STARD13: variants seen among roughly 807,000 people sequenced by gnomAD.
The protein encoded by STARD13 is StAR related lipid transfer domain containing 13.
STARD13 carries 62 observed loss-of-function variants against 106.4 expected under a neutral mutation model. That is an observed-to-expected ratio of 0.58 (90% confidence interval 0.48 to 0.72). The LOEUF (loss-of-function observed/expected upper bound fraction) is 0.72. Ranked by LOEUF, STARD13 falls within the 30% of genes least tolerant of loss-of-function variation. The pLI is 0.00. For synonymous variants in STARD13, 565 were observed against 553.0 expected (o/e 1.02, Z -0.31); for missense variants, 1,387 against 1,424.0 (o/e 0.97, Z 0.42).
At chr13:33,421,897 C>G in the STARD13 span, among the ~76,000 whole-genome samples, 2 of 152,132 alleles carry the variant, frequency 1.3e-5, no homozygotes, top group African/African-American at 4.8e-5. Context: ...ATTCAACTTC[C>G]CTTCATGCTA....
chr13:33,496,540 A>G, the STARD13 span, among the ~76,000 whole-genome samples: 1 of 151,964 alleles, frequency 6.6e-6, no homozygotes, highest in East Asian at 1.9e-4. Context: ...CTCTTCTTAT[A>G]CATGTTATAA....
chr13:33,429,314 G>A, the STARD13 span, among the ~76,000 whole-genome samples: 1 of 152,206 alleles, frequency 6.6e-6, no homozygotes, highest in Non-Finnish European at 1.5e-5. Flanking sequence ...ATGTGGTACA[G>A]GGCCGGGCGT....
the STARD13 span, among the ~76,000 whole-genome samples, chr13:33,427,315 T>C: frequency 3.7e-4 from 57 of 152,194 alleles, no homozygotes; most frequent in African/African-American, 1.3e-3. Context: ...AAAAAGAATG[T>C]TATTCAGTTT....
upstream of STARD13, chr13:33,350,812 C>T: frequency 4.6e-6 from 1 of 217,958 alleles, no homozygotes. Context: ...CAGCCTGGTC[C>T]CCACGGCCCC....
At chr13:33,488,564 C>T in the STARD13 span, among the ~76,000 whole-genome samples, 1 of 152,114 alleles carries the variant, frequency 6.6e-6, no homozygotes. Flanking sequence ...AGAATGAGAT[C>T]AAAATATTAC....
intron 3 of STARD13, among the ~76,000 whole-genome samples, chr13:33,152,796 G>A (rs1328343890): frequency 3.3e-5 from 5 of 152,202 alleles, no homozygotes; most frequent in Admixed American, 1.3e-4. Flanking sequence ...CACAAGCCTT[G>A]AAATAAAAGC....
At chr13:33,220,579 C>A (rs1468094639) in intron 1 of STARD13, among the ~76,000 whole-genome samples, 1 of 152,098 alleles carries the variant, frequency 6.6e-6, no homozygotes, top group Non-Finnish European at 1.5e-5. Flanking sequence ...GTAGTCCCAG[C>A]CACTTGGGAG....
rs1887761307 is a variant in STARD13, at chr13:33,212,169, G to T, written c.170-44547C>A. 2.6e-5 allele frequency among the ~76,000 whole-genome samples: 4 copies of T among 152,146 alleles called. No individual in the cohort carries two copies. The South Asian group carries it at 8.3e-4, about 32-fold the overall frequency. On this transcript the variant is annotated intron_variant, in intron 1 of 13. Transcript: ENST00000336934. ...GCATGCCTTTTGGGGTGGCTCACCT[G>T]TCCCCCTGAAGCTGACAGATTTGTC...
chr13:33,384,409 C>T, the STARD13 span, among the ~76,000 whole-genome samples: 1 of 152,184 alleles, frequency 6.6e-6, no homozygotes, highest in Admixed American at 6.5e-5. Context: ...GTTTGTTAAA[C>T]ACTGACCAAT....
chr13:33,288,879 G>A (rs1892179187), upstream of STARD13, among the ~76,000 whole-genome samples: 1 of 152,104 alleles, frequency 6.6e-6, no homozygotes, highest in Non-Finnish European at 1.5e-5. Context: ...CATGTCATTA[G>A]TACCTTGTTT....
chr13:33,342,557 GT>G (rs1555263896), intron 1 of STARD13, among the ~76,000 whole-genome samples: 3 of 151,064 alleles, frequency 2.0e-5, no homozygotes, highest in Non-Finnish European at 2.9e-5. Flanking sequence ...AAGACATGGG[GT>G]CTCACTGTGC....
chr13:33,530,727 T>A, the STARD13 span, among the ~76,000 whole-genome samples: 2 of 152,212 alleles, frequency 1.3e-5, no homozygotes, highest in Non-Finnish European at 2.9e-5. Context: ...TTTAATGATA[T>A]TAGCAGCTAT....
the STARD13 span, among the ~76,000 whole-genome samples, chr13:33,432,736 G>A: frequency 6.6e-6 from 1 of 151,986 alleles, no homozygotes; most frequent in Non-Finnish European, 1.5e-5. Context: ...AAAAATTATG[G>A]CTGCTTTTTA....
intron 1 of STARD13, among the ~76,000 whole-genome samples, chr13:33,250,494 T>C (rs1258497545): frequency 6.6e-6 from 1 of 152,210 alleles, no homozygotes; most frequent in Non-Finnish European, 1.5e-5. Context: ...TGGCATGGAA[T>C]TACAAGCAAC....
chr13:33,253,762 A>G (rs1452096207), intron 1 of STARD13, among the ~76,000 whole-genome samples: 1 of 152,194 alleles, frequency 6.6e-6, no homozygotes, highest in African/African-American at 2.4e-5. Context: ...CTGATTTATA[A>G]GCGTATCATC....
the STARD13 span, among the ~76,000 whole-genome samples, chr13:33,635,985 A>G: frequency 6.6e-6 from 1 of 151,918 alleles, no homozygotes; most frequent in Admixed American, 6.6e-5. Flanking sequence ...CTCCATCTCA[A>G]AAAAACATTA....
chr13:33,402,648 G>C, the STARD13 span, among the ~76,000 whole-genome samples: 7 of 152,164 alleles, frequency 4.6e-5, no homozygotes, highest in Non-Finnish European at 8.8e-5. Flanking sequence ...CAAACCCCAG[G>C]CTCCAGAAGC....
the STARD13 span, among the ~76,000 whole-genome samples, chr13:33,555,793 A>C: frequency 6.6e-6 from 1 of 152,220 alleles, no homozygotes; most frequent in Admixed American, 6.5e-5. Context: ...ATCTAACATC[A>C]GAATTATGAG....
chr13:33,499,519 T>TTTCTTCTTCTTCTTCTTCCTCTTC, the STARD13 span, among the ~76,000 whole-genome samples: 1 of 91,888 alleles, frequency 1.1e-5, no homozygotes, highest in African/African-American at 4.0e-5. Context: ...TTCTTCTTTC[T>TTTCTTCTTCTTCTTCTTCCTCTTC]TTCTTCTTCT....
Sources: gnomAD v4.1 joint callset for allele counts (sites outside exome capture counted in the v4.1 genomes callset) on GRCh38, gnomAD v4.1.1 for gene constraint, MANE v1.5 for transcripts, NCBI Gene and HGNC (gene_info 2026-07-23, HGNC 2026-07-21) for gene names.